The following DDHD2 variants were observed in gnomAD, a reference collection of about 807,000 sequenced individuals.
DDHD2 encodes triacylglycerol hydrolase DDHD2.
A neutral mutation model predicts 91.2 loss-of-function variants in DDHD2; 62 were observed. That is an observed-to-expected ratio of 0.68 (90% confidence interval 0.55 to 0.84). The LOEUF (loss-of-function observed/expected upper bound fraction) is 0.84, where lower values mean the gene tolerates loss of function less well. DDHD2 is among the 40% of genes least tolerant of loss of function. DDHD2 has a pLI of 0.00. For synonymous variants in DDHD2, 271 were observed against 293.9 expected (o/e 0.92, Z 0.80); for missense variants, 740 against 846.9 (o/e 0.87, Z 1.57).
Position 38,234,417 on chromosome 8 carries a change from G to A in DDHD2, c.244G>A (p.Val82Ile), listed in dbSNP as rs939131374. The change falls in exon 3 of 18, where the codon GTT becomes ATT. Residue 82 changes from valine (V) to isoleucine (I), a missense_variant. Physicochemically the swap from Val to Ile is conservative, Grantham distance 29 (BLOSUM62 3). This residue lies in a region of DDHD2 where 693 missense variants were observed against 764.2 expected (regional missense o/e 0.91). Transcript: ENST00000397166. ...SSGKGCNGRV[V>I]PTDGGRYDVH... ...AGGAAAAGGTTGTAATGGGAGAGTT[G>A]TTCCTACTGATGGGGGCAGATATGA... The A allele has an allele frequency of 1.3e-6, 2 of 1,596,040 alleles. No individual in the cohort carries two copies. Among genetic ancestry groups the A allele is most frequent in the East Asian group, 4.5e-5 (2 of 44,144 alleles).
In DDHD2 at chr8:38,268,336, C is replaced by A. The variant is rs1438131437; in HGVS notation, n.88-2786C>A. 1.0e-5 allele frequency: 16 copies of A among 1,532,572 alleles called. No individual in the cohort carries two copies. The East Asian group carries it at 3.9e-4, about 37-fold the overall frequency. The allele number at this position is 1,532,572 out of a possible 1,614,324, so 94.9% of individuals were successfully genotyped here. On this transcript the variant is annotated intron_variant and non_coding_transcript_variant, in intron 1 of 1. Transcript: ENST00000526071. ...CCACAACGACCTCCTAGGTTCCCAG[C>A]ACGAAGAAACCGGCCCGAAAGGGCT...
At chr8:38,252,616 TG>T in intron 13 of DDHD2, 105 bp from the exon 14 acceptor site, 1 of 788,460 alleles carries the variant, frequency 1.3e-6, no homozygotes, top group Non-Finnish European at 2.0e-6. Context: ...CACTCCAGCC[TG>T]GGTGACAGAG....
At chr8:38,265,188 C>T (rs1413070621), downstream of DDHD2, 1 of 444,408 alleles carries the variant, frequency 2.3e-6, no homozygotes, top group East Asian at 4.2e-5. Context: ...CTTGCTTGAA[C>T]CCAGGAGGTG....
chr8:38,238,520 C>T (rs1376334851), intron 5 of DDHD2: 1 of 1,097,684 alleles, frequency 9.1e-7, no homozygotes, highest in African/African-American at 1.7e-5. Flanking sequence ...GAAATTTATA[C>T]CTGGTAATAA....
downstream of DDHD2, chr8:38,266,085 C>G: frequency 6.5e-7 from 1 of 1,546,728 alleles, no homozygotes; most frequent in Non-Finnish European, 8.9e-7. Flanking sequence ...GTGCTAGGTG[C>G]TAGGAATAAA....
intron 1 of DDHD2, chr8:38,268,598 G>A: frequency 6.9e-7 from 1 of 1,454,168 alleles, no homozygotes; most frequent in Middle Eastern, 1.8e-4. Context: ...CGGGCGCCAG[G>A]CAGCGCCACC....
At chr8:38,267,066 G>A (rs1807728602), downstream of DDHD2, 1 of 1,429,030 alleles carries the variant, frequency 7.0e-7, no homozygotes, top group Non-Finnish European at 9.2e-7. Flanking sequence ...ATCTCATGAA[G>A]GTAAACTACC....
At position 38,233,031 on chromosome 8, in the gene DDHD2, CA is replaced by C; in HGVS notation, c.38del (p.Gln13ArgfsTer16). On this transcript the variant is annotated frameshift_variant, in exon 2 of 18. Coordinates refer to ENST00000397166, the MANE Select transcript of DDHD2 (RefSeq NM_015214.3). LOFTEE classifies it high-confidence loss of function. ...SVQSQQEQLS[Q>X]SDPSPSPNSC... The stretch of plus-strand genomic sequence containing the variant: ...GCAGTCACAACAGGAGCAGTTGTCC[CA>C]GTCAGATCCATCTCCGTCACCAAAC... 1 of 1,614,156 alleles carries C rather than the reference CA, an allele frequency of 6.2e-7. No individual in the cohort carries two copies. Among genetic ancestry groups the C allele is most frequent in the Non-Finnish European group, 8.5e-7 (1 of 1,180,034 alleles).
chr8:38,271,636 A>G (rs1409673804), downstream of DDHD2: 1 of 152,258 alleles, frequency 6.6e-6, no homozygotes, highest in Non-Finnish European at 1.5e-5. Flanking sequence ...GCCAAAGGAA[A>G]GTGTTTCCAT....
At chr8:38,269,224 T>G in intron 1 of DDHD2, 1 of 1,468,078 alleles carries the variant, frequency 6.8e-7, no homozygotes. Context: ...CGAGCGACGC[T>G]GCGCTGACGT....
chr8:38,252,496 G>A (rs182365838), intron 13 of DDHD2, among the ~76,000 whole-genome samples: 78 of 152,092 alleles, frequency 5.1e-4, no homozygotes, highest in Admixed American at 2.0e-3. Context: ...CATAGTTCTG[G>A]TTGTACATGG....
chr8:38,268,110 CTT>C (rs1260059751), intron 1 of DDHD2: 2 of 1,460,596 alleles, frequency 1.4e-6, no homozygotes, highest in Non-Finnish European at 1.8e-6. Context: ...AGTGATCACT[CTT>C]TTGTAGCCGA....
In DDHD2 at chr8:38,252,760, C is replaced by T. The variant is rs1806212751; in HGVS notation, c.1656C>T (p.Val552=). ...PVAYRIEPMV[V]PGVEFEPMLI... The stretch of plus-strand genomic sequence containing the variant: ...CCTATAGGATTGAACCAATGGTGGT[C>T]CCAGGAGTGGAATTTGAGCCAATGC... The change falls in exon 14 of 18, where the codon GTC becomes GTT. Residue 552 remains valine (V), a synonymous_variant. Coordinates refer to ENST00000397166, the MANE Select transcript of DDHD2 (RefSeq NM_015214.3). 6.2e-7 allele frequency: 1 copy of T among 1,613,838 alleles called. No individual in the cohort carries two copies. Among genetic ancestry groups the T allele is most frequent in the East Asian group, 2.2e-5 (1 of 44,886 alleles).
At chr8:38,241,994 C>A in intron 6 of DDHD2, 1 of 337,320 alleles carries the variant, frequency 3.0e-6, no homozygotes, top group Non-Finnish European at 5.3e-6. Context: ...GTGGAGGCTG[C>A]AGTGAGGTGA....
chr8:38,238,896 T>C (rs2130776728), intron 5 of DDHD2: 1 of 168,240 alleles, frequency 5.9e-6, no homozygotes, highest in African/African-American at 2.4e-5. Context: ...AACCTGATGA[T>C]GTATGTAGTC....
At position 38,240,258 on chromosome 8, in the gene DDHD2, T is replaced by C. The variant is rs1247140116; in HGVS notation, c.623-17T>C. On this transcript the variant is annotated splice_polypyrimidine_tract_variant and intron_variant, in intron 5 of 17. Transcript: ENST00000397166. ...ACTAATTATACAGAATAATTTTCTT[T>C]TTAATTTCATTTATAGGAGAACCTT... The C allele has an allele frequency of 6.5e-7, 1 of 1,537,722 alleles. No homozygotes were observed. The highest frequency in any genetic ancestry group is 9.0e-7 in the Non-Finnish European group (1 of 1,115,082).
chr8:38,245,226 GT>G (rs1251878527), intron 7 of DDHD2, among the ~76,000 whole-genome samples: 1 of 151,766 alleles, frequency 6.6e-6, no homozygotes, highest in African/African-American at 2.4e-5. Flanking sequence ...GAGGTCAGGA[GT>G]TTGAGACCAG....
intron 4 of DDHD2, 38 bp downstream of exon 4, chr8:38,237,665 A>C: frequency 8.4e-7 from 1 of 1,188,656 alleles, no homozygotes; most frequent in East Asian, 2.4e-5. Flanking sequence ...ATAAAAAGTT[A>C]ATTGCGCTAT....
chr8:38,251,653 T>A (rs1353438334), intron 11 of DDHD2: 1 of 316,578 alleles, frequency 3.2e-6, no homozygotes, highest in Non-Finnish European at 5.7e-6. Flanking sequence ...TTCCTAGAAT[T>A]TTTGGCTGCC....
Sources: allele counts gnomAD v4.1 joint callset (sites outside exome capture counted in the v4.1 genomes callset), GRCh38; gene constraint gnomAD v4.1.1; regional missense constraint gnomAD v4.1.1; transcripts MANE v1.5; gene names NCBI Gene and HGNC (gene_info 2026-07-23, HGNC 2026-07-21).